The following ATP2B3 variants were observed in gnomAD, a reference collection of about 807,000 sequenced individuals.
The protein encoded by ATP2B3 is ATPase plasma membrane Ca2+ transporting 3.
In ATP2B3, 12 loss-of-function variants were observed where a neutral mutation model predicts 70.8. The observed-to-expected ratio is 0.17, with a 90% CI of 0.11 to 0.27. The LOEUF is 0.27. Ranked by LOEUF, ATP2B3 falls within the 10% of genes least tolerant of loss-of-function variation. The pLI is 1.00. For missense variants in ATP2B3, 858 were observed against 1,118.5 expected (o/e 0.77, Z 3.32); for synonymous variants, 460 against 497.8 (o/e 0.92, Z 1.01).
intron 3 of ATP2B3, among the ~76,000 whole-genome samples, chrX:153,540,936 C>G (rs1249898938): frequency 8.9e-6 from 1 of 112,428 alleles, no homozygotes; most frequent in African/African-American, 3.2e-5. Flanking sequence ...TCCTAGCAAC[C>G]CTTGTTGACC....
Position 153,547,989 on chromosome X carries a change from C to A in ATP2B3, c.1113C>A (p.Ile371=), listed in dbSNP as rs1311690336. The change falls in exon 9 of 22, where the codon ATC becomes ATA. Residue 371 remains isoleucine (I), a synonymous_variant. Transcript: ENST00000263519. ...QGKLTKLAVQ[I]GKAGLVMSAI... Reference sequence around the variant, plus strand: ...AGCTCACAAAGCTAGCCGTGCAGATCGGGAAAGCAGGTAGGGACAGCAGGA... The same window carrying A: ...AGCTCACAAAGCTAGCCGTGCAGATAGGGAAAGCAGGTAGGGACAGCAGGA... 8.3e-7 allele frequency: 1 copy of A among 1,203,570 alleles called. No individual in the cohort carries two copies. The highest frequency in any genetic ancestry group is 3.0e-5 in the East Asian group (1 of 33,713).
intron 21 of ATP2B3, among the ~76,000 whole-genome samples, chrX:153,579,066 A>G (rs1486387394): frequency 8.9e-6 from 1 of 112,934 alleles, no homozygotes; most frequent in Non-Finnish European, 1.9e-5. Context: ...TTATAGCCAG[A>G]TGGGCCCCAG....
rs1557009377 is a variant in ATP2B3, at chrX:153,547,885, G to A, written c.1009G>A (p.Ala337Thr). 6 of 1,209,167 alleles carry A rather than the reference G, an allele frequency of 5.0e-6. No homozygotes were observed. The highest frequency in any genetic ancestry group is 1.7e-5 in the African/African-American group (1 of 57,204). Residue 337 changes from alanine (A) to threonine (T), a missense_variant, in exon 9 of 22, where the codon GCG becomes ACG. By Grantham distance (58) the Ala-to-Thr change is moderately conservative. Around this residue, in one of 5 missense-constraint regions of ATP2B3, gnomAD observed 278 missense variants for 366.2 expected, o/e 0.76. Coordinates refer to ENST00000263519, the MANE Select transcript of ATP2B3 (RefSeq NM_001001344.3). ...CATGGAGATGCAGCCCCTGAAGAGCGCGGAGGGTGGGGAGATGGAGGAGCG... is the reference window on the plus strand; with the variant it reads ...CATGGAGATGCAGCCCCTGAAGAGCACGGAGGGTGGGGAGATGGAGGAGCG... ...VAMEMQPLKS[A>T]EGGEMEEREK...
chrX:153,578,560 G>C (rs1557021857), intron 21 of ATP2B3, among the ~76,000 whole-genome samples: 2 of 112,771 alleles, frequency 1.8e-5, no homozygotes, highest in Non-Finnish European at 3.8e-5. Flanking sequence ...GGAGAAGCCA[G>C]AGGAGGGAAG....
chrX:153,550,122 C>A lies in ATP2B3; in HGVS notation c.1659C>A (p.Asp553Glu). 4 of 1,212,512 alleles carry A rather than the reference C, an allele frequency of 3.3e-6. No individual in the cohort carries two copies. The highest frequency in any genetic ancestry group is 4.5e-6 in the Non-Finnish European group (4 of 895,658). ...GCGCCCTGCTGGGCTTCGTCTTGGA[C>A]CTGAAGCGGGACTTCCAGCCCGTGC... is the stretch of plus-strand genomic sequence containing the variant. ...TECALLGFVL[D>E]LKRDFQPVRE... The change falls in exon 12 of 22, where the codon GAC becomes GAA. Residue 553 changes from aspartate to glutamate, a missense_variant. Physicochemically the swap from Asp to Glu is conservative, Grantham distance 45. Coordinates refer to ENST00000263519, the MANE Select transcript of ATP2B3 (RefSeq NM_001001344.3).
intron 21 of ATP2B3, among the ~76,000 whole-genome samples, chrX:153,565,590 T>C (rs5945145): frequency 0.4 from 44,091 of 111,510 alleles, 6,241 homozygotes; most frequent in Admixed American, 0.49. Flanking sequence ...GAGTTGGTCC[T>C]TTCTGGTCAT....
In ATP2B3 at chrX:153,541,803, C is replaced by A; in HGVS notation, c.541C>A (p.Gln181Lys). ...CTTCAATGACTGGAGCAAGGAGAAG[C>A]AGTTCCGAGGCCTGCAGAGCCGAAT... ...TAFNDWSKEK[Q>K]FRGLQSRIEQ... The change falls in exon 5 of 22, where the codon CAG (glutamine) becomes AAG (lysine). Residue 181 changes from glutamine to lysine, a missense_variant. This residue lies in a region of ATP2B3 where 278 missense variants were observed against 366.2 expected (regional missense o/e 0.76). Coordinates refer to ENST00000263519, the MANE Select transcript of ATP2B3 (RefSeq NM_001001344.3). 8.3e-7 allele frequency: 1 copy of A among 1,211,570 alleles called. No individual in the cohort carries two copies. Among genetic ancestry groups the A allele is most frequent in the Non-Finnish European group, 1.1e-6 (1 of 895,501 alleles).
At chrX:153,524,133 A>G (rs1276508334) in intron 2 of ATP2B3, among the ~76,000 whole-genome samples, 2 of 109,825 alleles carry the variant, frequency 1.8e-5, no homozygotes, top group Non-Finnish European at 3.8e-5. Flanking sequence ...TGTTGCTCAC[A>G]ATTATTTGTG....
intron 13 of ATP2B3, among the ~76,000 whole-genome samples, 156 bp from the exon 14 acceptor site, chrX:153,555,893 C>T (rs1338153664): frequency 8.9e-6 from 1 of 112,955 alleles, no homozygotes; most frequent in African/African-American, 3.2e-5. Context: ...CAACTGTAGG[C>T]TAACACAAGT....
At chrX:153,555,922 G>A (rs1380722613) in intron 13 of ATP2B3, 127 bp from the exon 14 acceptor site, 4 of 748,652 alleles carry the variant, frequency 5.3e-6, no homozygotes, top group Middle Eastern at 3.1e-4. Flanking sequence ...CACGTGAATC[G>A]GATGGCTTTA....
At position 153,550,099 on chromosome X, in the gene ATP2B3, G is replaced by A; in HGVS notation, c.1636G>A (p.Ala546Thr). 1 of 1,212,417 alleles carries A rather than the reference G, an allele frequency of 8.2e-7. No individual in the cohort carries two copies. Among genetic ancestry groups the A allele is most frequent in the Non-Finnish European group, 1.1e-6 (1 of 895,570 alleles). ...CCAGGTGGGCAATAAGACGGAGTGC[G>A]CCCTGCTGGGCTTCGTCTTGGACCT... The part of the protein sequence containing the change: ...PRQVGNKTEC[A>T]LLGFVLDLKR... Residue 546 changes from alanine (A) to threonine (T), a missense_variant, in exon 12 of 22, where the codon GCC (alanine) becomes ACC (threonine). Coordinates refer to ENST00000263519, the MANE Select transcript of ATP2B3 (RefSeq NM_001001344.3).
intron 21 of ATP2B3, among the ~76,000 whole-genome samples, chrX:153,576,509 C>A (rs782175706): frequency 8.9e-6 from 1 of 111,740 alleles, no homozygotes; most frequent in East Asian, 2.8e-4. Flanking sequence ...CTCGGGCCTC[C>A]TGCAATTTGA....
At chrX:153,561,790 C>T (rs1037997806) in intron 19 of ATP2B3, among the ~76,000 whole-genome samples, 46 of 112,856 alleles carry the variant, frequency 4.1e-4, no homozygotes, top group African/African-American at 1.4e-3. Flanking sequence ...AGGCAGGAGG[C>T]CAAGACAAGG....
chrX:153,530,725 C>T (rs2124349770), intron 2 of ATP2B3, among the ~76,000 whole-genome samples: 1 of 108,607 alleles, frequency 9.2e-6, no homozygotes, highest in East Asian at 2.9e-4. Context: ...ATTGTTTTTG[C>T]CCAAAGCTGT....
chrX:153,562,799 T>C (rs1557016833), intron 20 of ATP2B3, among the ~76,000 whole-genome samples: 2 of 112,171 alleles, frequency 1.8e-5, no homozygotes, highest in African/African-American at 6.5e-5. Flanking sequence ...CAAAATACCA[T>C]AGACTGGGAG....
At chrX:153,519,386 A>AAG (rs1218870133) in intron 2 of ATP2B3, among the ~76,000 whole-genome samples, 1 of 111,807 alleles carries the variant, frequency 8.9e-6, no homozygotes. Flanking sequence ...GTAATAATCA[A>AAG]AGACCAGCCC....
rs1412756906 is a variant in ATP2B3, at chrX:153,536,381, C to T, written c.134C>T (p.Ala45Val). Residue 45 changes from alanine to valine, a missense_variant, in exon 3 of 22, where the codon GCG becomes GTG. By Grantham distance (64) the Ala-to-Val change is moderately conservative. Coordinates refer to ENST00000263519, the MANE Select transcript of ATP2B3 (RefSeq NM_001001344.3). Reference sequence around the variant, plus strand: ...CTCATGGAGCTGCGAGGGGCCGAGGCGCTGCAGAAGATCGAGGAGGCCTAC... The same window carrying T: ...CTCATGGAGCTGCGAGGGGCCGAGGTGCTGCAGAAGATCGAGGAGGCCTAC... ...RTLMELRGAE[A>V]LQKIEEAYGD... is the part of the protein sequence containing the mutation. The T allele has an allele frequency of 1.4e-5, 17 of 1,205,024 alleles. No homozygotes were observed. The highest frequency in any genetic ancestry group is 1.8e-5 in the South Asian group (1 of 55,436).
intron 20 of ATP2B3, among the ~76,000 whole-genome samples, chrX:153,564,453 GC>G (rs2090672393): frequency 8.9e-6 from 1 of 112,718 alleles, no homozygotes; most frequent in South Asian, 3.6e-4. Flanking sequence ...GCCCCACTGA[GC>G]CATGCTGCTC....
chrX:153,522,435 A>G (rs1407895383), intron 2 of ATP2B3, among the ~76,000 whole-genome samples: 4 of 112,322 alleles, frequency 3.6e-5, no homozygotes, highest in Admixed American at 1.9e-4. Flanking sequence ...GCTCGGGTCC[A>G]CAACCTGAGT....
Sources: gnomAD v4.1 joint callset for allele counts (sites outside exome capture counted in the v4.1 genomes callset) on GRCh38, gnomAD v4.1.1 for gene constraint, gnomAD v4.1.1 regional missense constraint, MANE v1.5 for transcripts, NCBI Gene and HGNC (gene_info 2026-07-23, HGNC 2026-07-21) for gene names.